Variants in ANKRD24 observed in about 807,000 individuals in gnomAD.
ANKRD24 encodes the protein ankyrin repeat domain 24.
ANKRD24 carries 109 observed loss-of-function variants against 127.8 expected under a neutral mutation model. That is an observed-to-expected ratio of 0.85 (90% CI 0.73 to 1.00). The LOEUF (loss-of-function observed/expected upper bound fraction) is 1.00, where lower values mean the gene tolerates loss of function less well. Ranked by LOEUF, ANKRD24 falls within the 50% of genes least tolerant of loss-of-function variation. The probability of loss-of-function intolerance (pLI) is 0.00; values close to 1 mark genes in which losing one functional copy is unlikely to be tolerated. For missense variants in ANKRD24, 1,648 were observed against 1,570.2 expected (o/e 1.05, Z -0.84); for synonymous variants, 743 against 671.1 (o/e 1.11, Z -1.66).
chr19:4,223,542 G>A (rs10425435), intron 20 of ANKRD24, among the ~76,000 whole-genome samples: 11,555 of 150,098 alleles, frequency 0.077, 1,066 homozygotes, highest in African/African-American at 0.22. Context: ...TGACTAGCTG[G>A]GACTACAGGT....
intron 2 of ANKRD24, among the ~76,000 whole-genome samples, chr19:4,193,130 G>A (rs989412392): frequency 2.7e-5 from 4 of 150,730 alleles, no homozygotes; most frequent in Middle Eastern, 3.2e-3. Context: ...GCAAAACCCC[G>A]TATCTACTAA....
chr19:4,222,259 G>A (rs887351387), intron 19 of ANKRD24, among the ~76,000 whole-genome samples: 1 of 152,114 alleles, frequency 6.6e-6, no homozygotes, highest in African/African-American at 2.4e-5. Context: ...TGTGGTGATG[G>A]GCACCTGTAG....
intron 5 of ANKRD24, among the ~76,000 whole-genome samples, chr19:4,201,335 G>A (rs1438453208): frequency 6.6e-6 from 1 of 152,132 alleles, no homozygotes. Context: ...ATCAGACAGG[G>A]ACAGAGTTGG....
chr19:4,204,105 A>G (rs1969253794), intron 7 of ANKRD24, among the ~76,000 whole-genome samples: 1 of 151,646 alleles, frequency 6.6e-6, no homozygotes, highest in East Asian at 1.9e-4. Flanking sequence ...CGGGGACTAC[A>G]GGCGCCTGCC....
In ANKRD24 at chr19:4,182,699, T is replaced by C. The variant is rs1011484908; in HGVS notation, c.-78T>C. ...CCTCTTGCTGACGCCGCAGGCGACA[T>C]GTTATCTGCTGTCAGAAGGAAGCCT... On this transcript the variant is annotated 5_prime_UTR_variant, in exon 1 of 22. An upstream start codon of the reference 5' UTR is lost. Coordinates refer to ENST00000318934, the MANE Select transcript of ANKRD24 (RefSeq NM_001393985.1). The C allele has an allele frequency of 1.4e-6, 2 of 1,411,338 alleles. No individual in the cohort carries two copies. Among genetic ancestry groups the C allele is most frequent in the Non-Finnish European group, 1.9e-6 (2 of 1,081,052 alleles). 87.4% of individuals were successfully genotyped at this position (1,411,338 alleles called of 1,614,324 possible).
intron 11 of ANKRD24, among the ~76,000 whole-genome samples, chr19:4,209,427 T>TTTG (rs1555716311): frequency 6.7e-6 from 1 of 149,896 alleles, no homozygotes; most frequent in African/African-American, 2.5e-5. Flanking sequence ...GTTTTTTTTT[T>TTTG]TTGTTGTTGT....
At chr19:4,202,745 T>A in intron 6 of ANKRD24, 124 bp from the exon 7 acceptor site, 1 of 954,384 alleles carries the variant, frequency 1.0e-6, no homozygotes, top group Admixed American at 2.2e-5. Flanking sequence ...GAAAATGGAG[T>A]CCCTTGGGGG....
chr19:4,207,632 T>C, intron 9 of ANKRD24, 25 bp downstream of exon 9: 1 of 1,609,836 alleles, frequency 6.2e-7, no homozygotes, highest in Non-Finnish European at 8.5e-7. Context: ...TCCCAGCCAG[T>C]CCACCCTATG....
chr19:4,216,445 T>C (rs1376831110), intron 17 of ANKRD24, 43 bp downstream of exon 17: 1 of 1,555,830 alleles, frequency 6.4e-7, no homozygotes, highest in Non-Finnish European at 8.7e-7. Flanking sequence ...GACCTAGGGC[T>C]GGTTCCCTGA....
chr19:4,186,443 G>A lies in ANKRD24; in HGVS notation c.18G>A (p.Ala6=), dbSNP rs374949100. ...CACCAACTATGAAGACTCTCAGGGC[G>A]CGATTTAAGAAGACAGAGGTGAGTG... is the stretch of plus-strand genomic sequence containing the variant. MKTLR[A]RFKKTELRLS... The change falls in exon 2 of 22, where the codon GCG becomes GCA. Residue 6 remains alanine, a synonymous_variant. Coordinates refer to ENST00000318934, the MANE Select transcript of ANKRD24 (RefSeq NM_001393985.1). 69 of 1,593,548 alleles carry A rather than the reference G, an allele frequency of 4.3e-5. No homozygotes were observed. The highest frequency in any genetic ancestry group is 5.7e-5 in the South Asian group (5 of 87,456).
chr19:4,199,672 TCCC>T lies in ANKRD24; in HGVS notation c.37-8_37-6del, dbSNP rs771461313. On this transcript the variant is annotated splice_region_variant and splice_polypyrimidine_tract_variant and intron_variant, in intron 2 of 21. Transcript: ENST00000318934. The surrounding 1 kb of genome is among the most constrained non-coding windows in gnomAD (Gnocchi z 5.2). Reference sequence around the variant, plus strand: ...GAGGACCCCCTCGCCCAGGACCACCTCCCCCTGCAGCTGCGGCTCAGCCCCACT... The same window carrying T: ...GAGGACCCCCTCGCCCAGGACCACCTCCTGCAGCTGCGGCTCAGCCCCACT... The T allele has an allele frequency of 6.6e-7, 1 of 1,521,442 alleles. No homozygotes were observed. Among genetic ancestry groups the T allele is most frequent in the South Asian group, 1.2e-5 (1 of 81,754 alleles). 94.2% of individuals were successfully genotyped at this position (1,521,442 alleles called of 1,614,324 possible).
chr19:4,221,625 A>C (rs1414576294), intron 19 of ANKRD24, among the ~76,000 whole-genome samples: 1 of 152,228 alleles, frequency 6.6e-6, no homozygotes, highest in Non-Finnish European at 1.5e-5. Context: ...GTCACTGGAC[A>C]GGAGACGAGA....
chr19:4,213,002 G>A (rs930946348), intron 15 of ANKRD24, among the ~76,000 whole-genome samples: 1 of 152,096 alleles, frequency 6.6e-6, no homozygotes, highest in Non-Finnish European at 1.5e-5. Context: ...GTGGTGGTGC[G>A]CGCCTGTAGT....
chr19:4,202,727 A>C (rs1969161382), intron 6 of ANKRD24, 142 bp from the exon 7 acceptor site: 5 of 859,728 alleles, frequency 5.8e-6, no homozygotes, highest in Non-Finnish European at 9.5e-6. Flanking sequence ...TTTCTCACCA[A>C]TTTTCATGAA....
intron 10 of ANKRD24, among the ~76,000 whole-genome samples, 161 bp downstream of exon 10, chr19:4,208,129 G>A (rs1165548343): frequency 6.6e-6 from 1 of 152,094 alleles, no homozygotes; most frequent in Non-Finnish European, 1.5e-5. Flanking sequence ...AGGAGCCCCA[G>A]GGCATTTAGA....
chr19:4,192,767 C>CA (rs1193073016), intron 2 of ANKRD24, among the ~76,000 whole-genome samples: 2 of 149,958 alleles, frequency 1.3e-5, no homozygotes, highest in Non-Finnish European at 3.0e-5. Context: ...CCCATCTCTT[C>CA]AAAAAAAATT....
intron 15 of ANKRD24, among the ~76,000 whole-genome samples, chr19:4,213,001 C>G (rs1436527022): frequency 2.0e-5 from 3 of 152,040 alleles, no homozygotes; most frequent in Non-Finnish European, 2.9e-5. Context: ...TGTGGTGGTG[C>G]GCGCCTGTAG....
Position 4,207,596 on chromosome 19 carries a change from C to A in ANKRD24, c.633C>A (p.Asp211Glu). 2 of 1,613,922 alleles carry A rather than the reference C, an allele frequency of 1.2e-6. No homozygotes were observed. Among genetic ancestry groups the A allele is most frequent in the Non-Finnish European group, 1.7e-6 (2 of 1,179,856 alleles). ...AAGGGGCTGCCGCGAACGATCAGGA[C>A]CTGCAAGGCAGGTGAGCATCTCCCC... ...LQQGAAANDQ[D>E]LQGRTALMLA... Residue 211 changes from aspartate (D) to glutamate (E), a missense_variant, in exon 9 of 22, where the codon GAC becomes GAA. Asp to Glu is a conservative substitution (Grantham distance 45). Coordinates refer to ENST00000318934, the MANE Select transcript of ANKRD24 (RefSeq NM_001393985.1).
intron 2 of ANKRD24, among the ~76,000 whole-genome samples, chr19:4,194,781 G>A (rs149391517): frequency 3.5e-4 from 54 of 152,298 alleles, no homozygotes; most frequent in Middle Eastern, 3.4e-3. Context: ...AGACTATGGT[G>A]GTGGCCGTGG....
Sources: gnomAD v4.1 joint callset for allele counts (sites outside exome capture counted in the v4.1 genomes callset) on GRCh38, gnomAD v4.1.1 for gene constraint, Gnocchi (gnomAD v3.1) non-coding constraint, MANE v1.5 for transcripts, NCBI Gene and HGNC (gene_info 2026-07-23, HGNC 2026-07-21) for gene names.